CHST12: variants seen among roughly 807,000 people sequenced by gnomAD.
The protein encoded by CHST12 is carbohydrate (chondroitin 4) sulfotransferase 12.
In CHST12, 23 loss-of-function variants were observed where a neutral mutation model predicts 27.9. The ratio of observed to expected loss-of-function variants is 0.82; its 90% CI spans 0.59 to 1.17. The LOEUF (loss-of-function observed/expected upper bound fraction) is 1.17, where lower values mean the gene tolerates loss of function less well. CHST12 is among the 50% of genes most tolerant of loss of function. The probability of loss-of-function intolerance (pLI) is 0.00; values close to 1 mark genes in which losing one functional copy is unlikely to be tolerated. For synonymous variants in CHST12, 322 were observed against 273.0 expected (o/e 1.18, Z -1.77); for missense variants, 682 against 603.0 (o/e 1.13, Z -1.37).
intron 1 of CHST12, among the ~76,000 whole-genome samples, chr7:2,417,153 G>A (rs1054742843): frequency 2.6e-5 from 4 of 151,994 alleles, no homozygotes; most frequent in African/African-American, 7.2e-5. Flanking sequence ...AGTCTGAGAC[G>A]GAGTCCAAAG....
In CHST12 at chr7:2,407,031, C is replaced by T. The variant is rs1373938844; in HGVS notation, c.-78+3358C>T. On this transcript the variant is annotated intron_variant, in intron 1 of 1. Coordinates refer to ENST00000618655, the MANE Select transcript of CHST12 (RefSeq NM_018641.5). Reference sequence around the variant, plus strand: ...TTCGAATATCCAAAAAGAGAACTCTCGGATGTAAAAAAAAAAAATAAAAGC... The same window carrying T: ...TTCGAATATCCAAAAAGAGAACTCTTGGATGTAAAAAAAAAAAATAAAAGC... 6.7e-5 allele frequency among the ~76,000 whole-genome samples: 10 copies of T among 149,798 alleles called. No homozygotes were observed. In the East Asian group the frequency reaches 7.8e-4, roughly 12 times the overall value.
At chr7:2,416,018 T>C (rs562040651) in intron 1 of CHST12, among the ~76,000 whole-genome samples, 6 of 152,352 alleles carry the variant, frequency 3.9e-5, no homozygotes, top group Admixed American at 2.0e-4. Context: ...ATTTTACTTA[T>C]AGTAGAACAT....
rs1294541280 is a variant in CHST12 at position 2,440,740 on chromosome 7, AG to A, written c.*6858del. The A allele has an allele frequency of 2.0e-5, 3 of 152,210 alleles. No individual in the cohort carries two copies. Among genetic ancestry groups the A allele is most frequent in the Non-Finnish European group, 4.4e-5 (3 of 68,056 alleles). The allele number at this position is 152,210 out of a possible 1,614,324, so 9.4% of individuals were successfully genotyped here. A position where few individuals can be genotyped will look rare whatever the true frequency, so the allele number is the denominator to read the frequency against. On this transcript the variant is annotated 3_prime_UTR_variant, in exon 2 of 2. Transcript: ENST00000618655. ...ACTGCCAAGAAGAATGCCGCCGCTC[AG>A]GTTTATCTGGTAGAATAAGCTGTTT...
At position 2,427,001 on chromosome 7, in the gene CHST12, A is replaced by AAG. The variant is rs371145369; in HGVS notation, c.-77-5546_-77-5545dup. On this transcript the variant is annotated intron_variant, in intron 1 of 1. Coordinates refer to ENST00000618655, the MANE Select transcript of CHST12 (RefSeq NM_018641.5). ...GCGAGACCCTGTCTCACAAAAGAAAAAGAGAGAGAGAGAGAGACATATAAA... is the reference window on the plus strand; with the variant it reads ...GCGAGACCCTGTCTCACAAAAGAAAAAGAGAGAGAGAGAGAGAGACATATAAA... Among the ~76,000 whole-genome samples the AAG allele has an allele frequency of 2.7e-4, 40 of 149,608 alleles. 2 individuals are homozygous for AAG. Among genetic ancestry groups the AAG allele is most frequent in the Middle Eastern group, 3.5e-3 (1 of 286 alleles).
chr7:2,408,462 C>T (rs1781580366), intron 1 of CHST12, among the ~76,000 whole-genome samples: 1 of 150,550 alleles, frequency 6.6e-6, no homozygotes, highest in Non-Finnish European at 1.5e-5. Context: ...AAAAACAAAT[C>T]ACAAATAGGT....
chr7:2,432,767 C>T lies in CHST12; in HGVS notation c.128C>T (p.Pro43Leu), dbSNP rs1465983827. Reference protein sequence around the residue: ...HFYLHTSFSRPHTGPPLPTPG... With the variant: ...HFYLHTSFSRLHTGPPLPTPG... ...TACTTGCACACGTCCTTCTCTAGGC[C>T]GCACACGGGGCCGCCGCTGCCCACG... Residue 43 changes from proline (P) to leucine (L), a missense_variant, in exon 2 of 2, where the codon CCG becomes CTG. Pro to Leu is a moderately conservative substitution (Grantham distance 98). Transcript: ENST00000618655. 8 of 1,613,764 alleles carry T rather than the reference C, an allele frequency of 5.0e-6. No individual in the cohort carries two copies. The East Asian group carries it at 8.9e-5, about 18-fold the overall frequency.
chr7:2,414,318 T>C (rs1216543462), intron 1 of CHST12, among the ~76,000 whole-genome samples: 1 of 151,700 alleles, frequency 6.6e-6, no homozygotes, highest in African/African-American at 2.4e-5. Context: ...AGTTTTGGTC[T>C]TGTCACCCAG....
intron 1 of CHST12, among the ~76,000 whole-genome samples, chr7:2,431,646 G>T (rs532547868): frequency 6.6e-6 from 1 of 152,324 alleles, no homozygotes; most frequent in African/African-American, 2.4e-5. Context: ...CAGAGGAAGG[G>T]GTATCAGCTC....
At position 2,443,647 on chromosome 7, in the gene CHST12, T is replaced by G. The variant is rs187171294; in HGVS notation, c.*9763T>G. 16 of 152,290 alleles carry G rather than the reference T, an allele frequency of 1.1e-4. No homozygotes were observed. Among genetic ancestry groups the G allele is most frequent in the African/African-American group, 3.8e-4 (16 of 41,564 alleles). The allele number at this position is 152,290 out of a possible 1,614,324, so 9.4% of individuals were successfully genotyped here. A position where few individuals can be genotyped will look rare whatever the true frequency, so the allele number is the denominator to read the frequency against. On this transcript the variant is annotated 3_prime_UTR_variant, in exon 2 of 2. Coordinates refer to ENST00000618655, the MANE Select transcript of CHST12 (RefSeq NM_018641.5). ...GATGGCATGGGAAAGTAGCACACAG[T>G]CGGGACTCTGCAGCCGAGTTTGCCT...
At chr7:2,411,315 C>A (rs1389592906) in intron 1 of CHST12, among the ~76,000 whole-genome samples, 1 of 152,006 alleles carries the variant, frequency 6.6e-6, no homozygotes, top group African/African-American at 2.4e-5. Flanking sequence ...CTCCTGGTCT[C>A]AAAATATTAT....
In CHST12 at chr7:2,405,405, C is replaced by T. The variant is rs58007185; in HGVS notation, c.-78+1732C>T. 2.6e-5 allele frequency among the ~76,000 whole-genome samples: 4 copies of T among 152,258 alleles called. No individual in the cohort carries two copies. In the South Asian group the frequency reaches 8.3e-4, roughly 32 times the overall value. ...GTTGCAGTGAGCCGACACTGGGCCT[C>T]TGCACTCCAGCCTGGGCAACAGAGT... On this transcript the variant is annotated intron_variant, in intron 1 of 1. Coordinates refer to ENST00000618655, the MANE Select transcript of CHST12 (RefSeq NM_018641.5).
chr7:2,410,296 C>T (rs909675629), intron 1 of CHST12, among the ~76,000 whole-genome samples: 2 of 152,142 alleles, frequency 1.3e-5, no homozygotes, highest in East Asian at 1.9e-4. Flanking sequence ...TGAGGCAGGA[C>T]GAGGACCTCC....
At chr7:2,418,683 A>C (rs899456664) in intron 1 of CHST12, among the ~76,000 whole-genome samples, 1 of 152,160 alleles carries the variant, frequency 6.6e-6, no homozygotes, top group Non-Finnish European at 1.5e-5. Context: ...CCTTCCCTGA[A>C]TGCTTCTCTC....
intron 1 of CHST12, among the ~76,000 whole-genome samples, chr7:2,410,333 G>A (rs1214286036): frequency 6.6e-6 from 1 of 152,142 alleles, no homozygotes; most frequent in Non-Finnish European, 1.5e-5. Context: ...GGAAGACAGT[G>A]AGTGGATTAA....
rs1422277194 is a variant in CHST12 at position 2,445,291 on chromosome 7, C to G, written c.*11407C>G. ...GTGGAGGACTTGGCACGCCCTGTCT[C>G]AGGCCTGGCTCTGGCTCTGGGTGGA... is the stretch of plus-strand genomic sequence containing the variant. On this transcript the variant is annotated 3_prime_UTR_variant, in exon 2 of 2. Coordinates refer to ENST00000618655, the MANE Select transcript of CHST12 (RefSeq NM_018641.5). 4 of 152,310 alleles carry G rather than the reference C, an allele frequency of 2.6e-5. No individual in the cohort carries two copies. Among genetic ancestry groups the G allele is most frequent in the African/African-American group, 7.2e-5 (3 of 41,446 alleles). The allele number at this position is 152,310 out of a possible 1,614,324, so 9.4% of individuals were successfully genotyped here.
At chr7:2,429,280 G>C (rs535357607) in intron 1 of CHST12, among the ~76,000 whole-genome samples, 57 of 152,288 alleles carry the variant, frequency 3.7e-4, no homozygotes, top group African/African-American at 1.3e-3. Flanking sequence ...TCGCCATGTT[G>C]GCCAGGCTGG....
rs1169316779 is a variant in CHST12, at chr7:2,441,605, A to G, written c.*7721A>G. On this transcript the variant is annotated 3_prime_UTR_variant, in exon 2 of 2. Transcript: ENST00000618655. Reference sequence around the variant, plus strand: ...CTACTTGGGAGGCTGAGGTGGGAGGATCGCTTGAGTCTGGGAGGTCGAGGC... The same window carrying G: ...CTACTTGGGAGGCTGAGGTGGGAGGGTCGCTTGAGTCTGGGAGGTCGAGGC... 6 of 148,494 alleles carry G rather than the reference A, an allele frequency of 4.0e-5. No homozygotes were observed. The East Asian group carries it at 1.0e-3, about 25-fold the overall frequency. The allele number at this position is 148,494 out of a possible 1,614,324, so 9.2% of individuals were successfully genotyped here.
chr7:2,428,599 G>A (rs1356794022), intron 1 of CHST12, among the ~76,000 whole-genome samples: 2 of 152,072 alleles, frequency 1.3e-5, no homozygotes, highest in Non-Finnish European at 2.9e-5. Context: ...GGTTAGTGAG[G>A]GATTTAGGGT....
intron 1 of CHST12, among the ~76,000 whole-genome samples, chr7:2,425,815 A>T (rs1402467762): frequency 1.3e-5 from 2 of 150,910 alleles, no homozygotes; most frequent in African/African-American, 2.4e-5. Context: ...CACTTATCCC[A>T]CTATACGTTT....
Sources: gnomAD v4.1 joint callset for allele counts (sites outside exome capture counted in the v4.1 genomes callset) on GRCh38, gnomAD v4.1.1 for gene constraint, MANE v1.5 for transcripts, NCBI Gene and HGNC (gene_info 2026-07-23, HGNC 2026-07-21) for gene names.